Variants in RILPL1 observed in about 807,000 individuals in gnomAD.
The protein encoded by RILPL1 is Rab interacting lysosomal protein like 1.
A neutral mutation model predicts 50.3 loss-of-function variants in RILPL1; 33 were observed. The ratio of observed to expected loss-of-function variants is 0.66; its 90% CI spans 0.50 to 0.88. RILPL1 has a LOEUF of 0.88. RILPL1 is among the 40% of genes least tolerant of loss of function. RILPL1 has a pLI of 0.00. For missense variants in RILPL1, 418 were observed against 542.5 expected (o/e 0.77, Z 2.28); for synonymous variants, 205 against 228.6 (o/e 0.90, Z 0.93).
At chr12:123,504,973 G>T (rs980936923) in intron 2 of RILPL1, among the ~76,000 whole-genome samples, 1 of 152,118 alleles carries the variant, frequency 6.6e-6, no homozygotes, top group Non-Finnish European at 1.5e-5. Flanking sequence ...CCACCTTCTG[G>T]GGGTGCCCTC....
intron 4 of RILPL1, among the ~76,000 whole-genome samples, chr12:123,492,724 C>T (rs1426151765): frequency 6.6e-6 from 1 of 152,134 alleles, no homozygotes; most frequent in East Asian, 1.9e-4. Context: ...TTGTTCTGTA[C>T]TAAGAAAAAT....
Position 123,516,033 on chromosome 12 carries a change from CAAAAAAA to C in RILPL1, c.460+7455_460+7461del, listed in dbSNP as rs749657516. On this transcript the variant is annotated intron_variant, in intron 2 of 6. Transcript: ENST00000376874. ...TGGGCCACAGAGCGAGACTCTGTCTCAAAAAAAAAAAAAAAAAAAAAAAAAAATGCCC... is the reference window on the plus strand; with the variant it reads ...TGGGCCACAGAGCGAGACTCTGTCTCAAAAAAAAAAAAAAAAAAAATGCCC... Among the ~76,000 whole-genome samples the C allele has an allele frequency of 1.2e-3, 44 of 36,192 alleles. 1 individual carries two copies. The highest frequency in any genetic ancestry group is 3.9e-3 in the African/African-American group (42 of 10,796). 23.7% of individuals were successfully genotyped at this position (36,192 alleles called of 152,430 possible). A position where few individuals can be genotyped will look rare whatever the true frequency, so the allele number is the denominator to read the frequency against.
chr12:123,511,591 G>A (rs1243619822), intron 2 of RILPL1, among the ~76,000 whole-genome samples: 1 of 138,976 alleles, frequency 7.2e-6, no homozygotes, highest in Non-Finnish European at 1.6e-5. Flanking sequence ...GGTGGTGTGA[G>A]GTCTGTGTGT....
At chr12:123,483,463 G>A (rs1190109644) in intron 6 of RILPL1, among the ~76,000 whole-genome samples, 3 of 152,226 alleles carry the variant, frequency 2.0e-5, no homozygotes, top group Admixed American at 1.3e-4. Flanking sequence ...AGTAGATACT[G>A]TCTAACAAAA....
rs1881214402 is a variant in RILPL1 at position 123,471,927 on chromosome 12, AG to A, written c.*610del. ...ATGCTCTAGGCATTATCAGGAACGC[AG>A]CCAGGGTGCCTGCAAAGTTGTCTCC... is the stretch of plus-strand genomic sequence containing the variant. On this transcript the variant is annotated 3_prime_UTR_variant, in exon 7 of 7. Transcript: ENST00000376874. The A allele has an allele frequency of 6.5e-6, 1 of 153,656 alleles. No individual in the cohort carries two copies. Among genetic ancestry groups the A allele is most frequent in the Non-Finnish European group, 1.5e-5 (1 of 68,760 alleles). The allele number at this position is 153,656 out of a possible 1,614,324, so 9.5% of individuals were successfully genotyped here.
intron 2 of RILPL1, among the ~76,000 whole-genome samples, chr12:123,516,048 A>AAAAAAAAAAAAAC: frequency 6.7e-6 from 1 of 148,660 alleles, no homozygotes; most frequent in Non-Finnish European, 1.5e-5. Flanking sequence ...AAAAAAAAAA[A>AAAAAAAAAAAAAC]AAAAAAAAAA....
chr12:123,518,796 T>C (rs781326396), intron 2 of RILPL1, among the ~76,000 whole-genome samples: 12 of 151,868 alleles, frequency 7.9e-5, no homozygotes, highest in Non-Finnish European at 1.8e-4. Flanking sequence ...CGGTGGCTCA[T>C]GCCTGTAATC....
In RILPL1 at chr12:123,498,492, A is replaced by G. The variant is rs2139338071; in HGVS notation, c.801+52T>C. On this transcript the variant is annotated intron_variant, in intron 4 of 6. Transcript: ENST00000376874. The surrounding 1 kb of genome is among the most constrained non-coding windows in gnomAD (Gnocchi z 4.3). The stretch of plus-strand genomic sequence containing the variant: ...AAGGCAACCCTGCCTGCCTTAAGCC[A>G]ACCCCCAGACTGACCCTCTGCTACC... 6.4e-7 allele frequency: 1 copy of G among 1,553,234 alleles called. No individual in the cohort carries two copies. The highest frequency in any genetic ancestry group is 1.1e-5 in the South Asian group (1 of 89,712).
chr12:123,531,519 CTA>C (rs1207867164), intron 1 of RILPL1, among the ~76,000 whole-genome samples: 1 of 152,028 alleles, frequency 6.6e-6, no homozygotes, highest in East Asian at 1.9e-4. Context: ...CCTTGACCCT[CTA>C]TGAGAGATGG....
chr12:123,483,708 C>T (rs776189783), intron 6 of RILPL1, among the ~76,000 whole-genome samples: 18 of 152,126 alleles, frequency 1.2e-4, no homozygotes, highest in Non-Finnish European at 1.6e-4. Flanking sequence ...ACTCTGCATG[C>T]GTTATGCAGT....
At chr12:123,486,348 G>A (rs1445944213) in intron 4 of RILPL1, among the ~76,000 whole-genome samples, 3 of 152,084 alleles carry the variant, frequency 2.0e-5, no homozygotes, top group South Asian at 2.1e-4. Flanking sequence ...GTGGAAGCCC[G>A]GCGGGGGTGC....
intron 6 of RILPL1, among the ~76,000 whole-genome samples, chr12:123,481,036 ACT>A (rs1270173609): frequency 1.3e-5 from 2 of 152,020 alleles, no homozygotes; most frequent in Admixed American, 6.6e-5. Context: ...GGGAACAGAG[ACT>A]CTGCACTGGA....
At chr12:123,506,649 C>T (rs1386001801) in intron 2 of RILPL1, among the ~76,000 whole-genome samples, 1 of 152,176 alleles carries the variant, frequency 6.6e-6, no homozygotes, top group Non-Finnish European at 1.5e-5. Context: ...CTGCTGCCAT[C>T]GAGCCTCACG....
At chr12:123,475,822 G>A (rs1314323430) in intron 6 of RILPL1, 4 of 891,680 alleles carry the variant, frequency 4.5e-6, no homozygotes, top group Non-Finnish European at 7.2e-6. Flanking sequence ...AAACTCCACA[G>A]ACACCAGTGG....
chr12:123,485,902 T>C lies in RILPL1; in HGVS notation c.802-97A>G, dbSNP rs1882302622. ...AGCCCAAATTCTCCCCCTCCCGGGGTGCCAGCAGCCTGTGGAGGGTGCTAT... is the reference window on the plus strand; with the variant it reads ...AGCCCAAATTCTCCCCCTCCCGGGGCGCCAGCAGCCTGTGGAGGGTGCTAT... On this transcript the variant is annotated intron_variant, in intron 4 of 6. Coordinates refer to ENST00000376874, the MANE Select transcript of RILPL1 (RefSeq NM_178314.5). This position sits in a 1 kb window ranked among gnomAD's most constrained non-coding sequence, Gnocchi z 4.0. The C allele has an allele frequency of 1.6e-6, 2 of 1,289,202 alleles. No homozygotes were observed. The highest frequency in any genetic ancestry group is 2.1e-6 in the Non-Finnish European group (2 of 963,318). 79.9% of individuals were successfully genotyped at this position (1,289,202 alleles called of 1,614,324 possible).
intron 2 of RILPL1, among the ~76,000 whole-genome samples, chr12:123,509,558 C>T (rs13303044): frequency 0.18 from 26,234 of 147,294 alleles, 2,497 homozygotes; most frequent in Middle Eastern, 0.26. Context: ...AGCAAAACTC[C>T]GTCTCAAAAA....
chr12:123,519,056 C>CAAA (rs71652717), intron 2 of RILPL1, among the ~76,000 whole-genome samples: 823 of 58,402 alleles, frequency 0.014, 41 homozygotes, highest in African/African-American at 0.056. Context: ...GACTCCATCT[C>CAAA]AAAAAAAAAA....
chr12:123,527,689 G>A (rs1885309015), intron 1 of RILPL1, among the ~76,000 whole-genome samples: 2 of 152,220 alleles, frequency 1.3e-5, no homozygotes, highest in South Asian at 2.1e-4. Flanking sequence ...GAGATGGGGA[G>A]ATGATTCTGG....
chr12:123,475,482 A>G, intron 6 of RILPL1: 1 of 596,244 alleles, frequency 1.7e-6, no homozygotes, highest in Non-Finnish European at 3.0e-6. Flanking sequence ...TCGCTCGAGT[A>G]GACCGAGCGC....
Sources: allele counts gnomAD v4.1 joint callset (sites outside exome capture counted in the v4.1 genomes callset), GRCh38; gene constraint gnomAD v4.1.1; non-coding constraint Gnocchi (gnomAD v3.1); transcripts MANE v1.5; gene names NCBI Gene and HGNC (gene_info 2026-07-23, HGNC 2026-07-21).